EPYC: variants seen among roughly 807,000 people sequenced by gnomAD.
The protein encoded by EPYC is epiphycan, also known as dermatan sulfate proteoglycan 3.
A neutral mutation model predicts 30.1 loss-of-function variants in EPYC; 28 were observed. That is an observed-to-expected ratio of 0.93 (90% CI 0.69 to 1.28). The LOEUF is 1.28. Among genes scored for constraint, EPYC ranks in the 50% most tolerant of loss-of-function variants. The pLI, the probability that EPYC is intolerant of heterozygous loss-of-function variation, is 0.00. For synonymous variants in EPYC, 144 were observed against 141.4 expected (o/e 1.02, Z -0.13); for missense variants, 382 against 383.5 (o/e 1.00, Z 0.03).
intron 3 of EPYC, among the ~76,000 whole-genome samples, chr12:90,973,479 C>A (rs1877104914): frequency 2.0e-5 from 3 of 152,296 alleles, no homozygotes; most frequent in Middle Eastern, 3.4e-3. Flanking sequence ...GTTTTATGAT[C>A]TGCTTTGTGA....
chr12:90,972,639 C>A, intron 4 of EPYC, 183 bp downstream of exon 4: 1 of 539,560 alleles, frequency 1.9e-6, no homozygotes, highest in South Asian at 3.0e-5. Context: ...ATGACCATTG[C>A]TTATTTGTTG....
chr12:90,991,238 A>G (rs1412126694), intron 2 of EPYC, among the ~76,000 whole-genome samples: 1 of 152,136 alleles, frequency 6.6e-6, no homozygotes, highest in Non-Finnish European at 1.5e-5. Context: ...ACATTAACCA[A>G]CAAAGGGTAA....
chr12:90,988,596 T>C (rs1281968647), intron 2 of EPYC, among the ~76,000 whole-genome samples: 3 of 152,128 alleles, frequency 2.0e-5, no homozygotes, highest in Non-Finnish European at 4.4e-5. Flanking sequence ...TCTGCTTAAA[T>C]CATCTACAAA....
At chr12:90,990,954 A>G (rs570856191) in intron 2 of EPYC, among the ~76,000 whole-genome samples, 11 of 152,228 alleles carry the variant, frequency 7.2e-5, no homozygotes, top group Admixed American at 3.9e-4. Flanking sequence ...GATTCAGTGT[A>G]GTTATCGTAG....
intron 2 of EPYC, 58 bp downstream of exon 2, chr12:91,002,343 C>A: frequency 6.7e-7 from 1 of 1,487,148 alleles, no homozygotes; most frequent in South Asian, 1.3e-5. Context: ...GGAAAACAGA[C>A]CCAAGTCATT....
At chr12:90,987,060 ATAT>A (rs1191179061) in intron 2 of EPYC, among the ~76,000 whole-genome samples, 1 of 152,180 alleles carries the variant, frequency 6.6e-6, no homozygotes, top group Admixed American at 6.6e-5. Context: ...GAGTAAGAAA[ATAT>A]TATAAAATGG....
rs1369247316 is a variant in EPYC at position 90,969,014 on chromosome 12, T to C, written c.798+1030A>G. On this transcript the variant is annotated intron_variant, in intron 6 of 6. Coordinates refer to ENST00000261172, the MANE Select transcript of EPYC (RefSeq NM_004950.5). ...ACAGACATATATACATATATATATA[T>C]ATAGTGTGTGTATATACATATATGT... is the stretch of plus-strand genomic sequence containing the variant. 2.0e-5 allele frequency among the ~76,000 whole-genome samples: 3 copies of C among 151,072 alleles called. No individual in the cohort carries two copies. The East Asian group carries it at 5.8e-4, about 29-fold the overall frequency.
At chr12:90,981,857 A>C (rs1877332411) in intron 2 of EPYC, among the ~76,000 whole-genome samples, 1 of 152,138 alleles carries the variant, frequency 6.6e-6, no homozygotes, top group Non-Finnish European at 1.5e-5. Flanking sequence ...TTAATATTTT[A>C]ATTTTAGTTA....
chr12:90,991,187 A>G (rs1877578969), intron 2 of EPYC, among the ~76,000 whole-genome samples: 1 of 152,188 alleles, frequency 6.6e-6, no homozygotes, highest in South Asian at 2.1e-4. Flanking sequence ...TAAAGCCCAC[A>G]TTGAATATTA....
At chr12:90,973,496 T>G (rs1877105309) in intron 3 of EPYC, among the ~76,000 whole-genome samples, 1 of 152,222 alleles carries the variant, frequency 6.6e-6, no homozygotes, top group Non-Finnish European at 1.5e-5. Flanking sequence ...GTGAAATGAA[T>G]GTTAATCACA....
chr12:90,969,934 T>C (rs1048602493), intron 6 of EPYC, 110 bp downstream of exon 6: 3 of 740,050 alleles, frequency 4.1e-6, no homozygotes, highest in Non-Finnish European at 7.2e-6. Context: ...AGAAGAAAAG[T>C]TATCACAGTG....
chr12:90,980,790 G>T (rs1877307128), intron 2 of EPYC, among the ~76,000 whole-genome samples: 1 of 152,038 alleles, frequency 6.6e-6, no homozygotes, highest in South Asian at 2.1e-4. Flanking sequence ...TCAGCTTTAT[G>T]CTCTATTCTT....
chr12:91,002,508 C>T lies in EPYC; in HGVS notation c.58G>A (p.Ala20Thr), dbSNP rs1208926998. ...GLVIFDAAVT[A>T]PTLESINYDS... ...TAGTTGATGGACTCTAGAGTTGGGG[C>T]AGTCACAGCAGCATCAAAGATGACA... The change falls in exon 2 of 7, where the codon GCC becomes ACC. Residue 20 changes from alanine to threonine, a missense_variant. Ala to Thr is a moderately conservative substitution (Grantham distance 58). Coordinates refer to ENST00000261172, the MANE Select transcript of EPYC (RefSeq NM_004950.5). 6.2e-7 allele frequency: 1 copy of T among 1,613,276 alleles called. No homozygotes were observed. Among genetic ancestry groups the T allele is most frequent in the Non-Finnish European group, 8.5e-7 (1 of 1,179,590 alleles).
intron 2 of EPYC, among the ~76,000 whole-genome samples, chr12:90,995,217 A>G (rs1877671393): frequency 6.6e-6 from 1 of 152,082 alleles, no homozygotes. Context: ...GAAGAAATGT[A>G]TTTGGCAAAG....
intron 2 of EPYC, among the ~76,000 whole-genome samples, chr12:90,985,476 G>A (rs1459037754): frequency 6.6e-6 from 1 of 152,064 alleles, no homozygotes; most frequent in Non-Finnish European, 1.5e-5. Context: ...CAACCTTGGT[G>A]TTCTATAATA....
intron 2 of EPYC, among the ~76,000 whole-genome samples, chr12:91,002,121 C>T (rs898898995): frequency 9.5e-5 from 12 of 126,522 alleles, no homozygotes; most frequent in East Asian, 5.2e-4. Flanking sequence ...ACCCAGGAGG[C>T]GGAGGTTGCA....
At chr12:91,003,609 A>G (rs1877882766) in intron 1 of EPYC, among the ~76,000 whole-genome samples, 1 of 152,084 alleles carries the variant, frequency 6.6e-6, no homozygotes, top group Non-Finnish European at 1.5e-5. Context: ...ATTTAATTTG[A>G]AACATTTAAG....
At chr12:90,998,185 A>G (rs2120866971) in intron 2 of EPYC, among the ~76,000 whole-genome samples, 1 of 152,254 alleles carries the variant, frequency 6.6e-6, no homozygotes, top group Non-Finnish European at 1.5e-5. Context: ...AGCACATAAT[A>G]AATGCTCACT....
Position 91,002,386 on chromosome 12 carries a change from A to G in EPYC, c.165+15T>C. 1.2e-6 allele frequency: 2 copies of G among 1,608,242 alleles called. No individual in the cohort carries two copies. The highest frequency in any genetic ancestry group is 1.7e-6 in the Non-Finnish European group (2 of 1,177,360). On this transcript the variant is annotated intron_variant, in intron 2 of 6. Transcript: ENST00000261172. The stretch of plus-strand genomic sequence containing the variant: ...CTATGCTTTTTAAAGTTTCAAGAGT[A>G]GGAGGATCGATTACCTCAACTTTAT...
Sources: gnomAD v4.1 joint callset for allele counts (sites outside exome capture counted in the v4.1 genomes callset) on GRCh38, gnomAD v4.1.1 for gene constraint, MANE v1.5 for transcripts, NCBI Gene and HGNC (gene_info 2026-07-23, HGNC 2026-07-21) for gene names.